ANK3: variants seen among roughly 807,000 people sequenced by gnomAD.
ANK3 encodes the protein ankyrin 3.
ANK3 carries 57 observed loss-of-function variants against 370.9 expected under a neutral mutation model. That is an observed-to-expected ratio of 0.15 (90% CI 0.12 to 0.19). The LOEUF (loss-of-function observed/expected upper bound fraction) is 0.19, where lower values mean the gene tolerates loss of function less well. Among genes scored for constraint, ANK3 ranks in the 10% least tolerant of loss-of-function variants. The pLI, the probability that ANK3 is intolerant of heterozygous loss-of-function variation, is 1.00. For missense variants in ANK3, 4,439 were observed against 5,302.1 expected (o/e 0.84, Z 5.06); for synonymous variants, 1,929 against 1,946.3 (o/e 0.99, Z 0.23).
At chr10:60,716,921 T>A (rs978913791) in intron 1 of ANK3, among the ~76,000 whole-genome samples, 1 of 152,180 alleles carries the variant, frequency 6.6e-6, no homozygotes, top group African/African-American at 2.4e-5. Context: ...AGTGTAGCTA[T>A]GAAACAAGAG....
At chr10:60,318,788 C>T (rs2048020160) in intron 1 of ANK3, among the ~76,000 whole-genome samples, 1 of 152,156 alleles carries the variant, frequency 6.6e-6, no homozygotes, top group Admixed American at 6.5e-5. Context: ...CATGTTATGA[C>T]ACAAAACATC....
Position 60,375,497 on chromosome 10 carries a change from G to A in ANK3, c.114+13928C>T, listed in dbSNP as rs567072649. On this transcript the variant is annotated intron_variant, in intron 1 of 43. Coordinates refer to ENST00000280772, the MANE Select transcript of ANK3 (RefSeq NM_020987.5). ...AAAGGTAACCCATTAAGGCCTGCCT[G>A]GGGGGGGAGGGGGGAAGGACTGGTT... Among the ~76,000 whole-genome samples the A allele has an allele frequency of 1.6e-3, 247 of 150,970 alleles. 2 individuals carry two copies. The highest frequency in any genetic ancestry group is 5.8e-3 in the African/African-American group (235 of 40,556).
chr10:60,396,274 TC>T (rs2063237352), intron 2 of ANK3, among the ~76,000 whole-genome samples: 1 of 152,200 alleles, frequency 6.6e-6, no homozygotes, highest in South Asian at 2.1e-4. Flanking sequence ...ACTCTCTGCT[TC>T]CTTCCATGTT....
intron 1 of ANK3, among the ~76,000 whole-genome samples, chr10:60,696,478 A>G (rs967068383): frequency 8.6e-5 from 13 of 151,606 alleles, no homozygotes; most frequent in Non-Finnish European, 4.4e-5. Context: ...AATATCCTTG[A>G]TGAACATTGA....
At position 60,070,943 on chromosome 10, in the gene ANK3, T is replaced by A. The variant is rs956747731; in HGVS notation, c.9938A>T (p.Asp3313Val). The change falls in exon 37 of 44, where the codon GAC becomes GTC. Residue 3313 changes from aspartate (D) to valine (V), a missense_variant. Around this residue, in one of 13 missense-constraint regions of ANK3, gnomAD observed 1,601 missense variants for 1,731.7 expected, o/e 0.92. Transcript: ENST00000280772. The surrounding 1 kb of genome is among the most constrained non-coding windows in gnomAD (Gnocchi z 5.7). The stretch of plus-strand genomic sequence containing the variant: ...TTCGTCATCGCTTGAATCACTGACG[T>A]CTGCCCCGGGAGGAACTGGTGAAGG... ...QPPSPVPPGA[D>V]VSDSSDDESI... The A allele has an allele frequency of 3.5e-5, 56 of 1,614,006 alleles. No individual in the cohort carries two copies. The highest frequency in any genetic ancestry group is 3.9e-5 in the Non-Finnish European group (46 of 1,179,998).
intron 2 of ANK3, among the ~76,000 whole-genome samples, chr10:60,530,393 G>C (rs1408776400): frequency 6.6e-6 from 1 of 151,036 alleles, no homozygotes; most frequent in Non-Finnish European, 1.5e-5. Context: ...AACAGGCGAG[G>C]CACTTCTAAA....
intron 1 of ANK3, among the ~76,000 whole-genome samples, chr10:60,676,207 T>A (rs1229595116): frequency 6.6e-6 from 1 of 152,182 alleles, no homozygotes; most frequent in Non-Finnish European, 1.5e-5. Flanking sequence ...AAATTTCCAT[T>A]ACTTGCTCTA....
chr10:60,465,447 GA>G lies in ANK3; in HGVS notation c.96+149738del, dbSNP rs144239152. On this transcript the variant is annotated intron_variant, in intron 2 of 43. Coordinates refer to the ANK3 transcript ENST00000373827. ...GAATAACATAAGTCCACATCTAAAT[GA>G]CCAGCAAAAATAAATATAGTCCTGA... Among the ~76,000 whole-genome samples the G allele has an allele frequency of 3.9e-3, 598 of 152,222 alleles. 2 individuals carry two copies. Among genetic ancestry groups the G allele is most frequent in the African/African-American group, 0.013 (558 of 41,536 alleles).
At chr10:60,650,172 C>T (rs2078767383) in intron 1 of ANK3, among the ~76,000 whole-genome samples, 1 of 152,164 alleles carries the variant, frequency 6.6e-6, no homozygotes, top group Non-Finnish European at 1.5e-5. Context: ...AACTTATGCT[C>T]TAAGGAAGGG....
intron 1 of ANK3, among the ~76,000 whole-genome samples, chr10:60,373,254 G>A (rs1315808476): frequency 6.6e-6 from 1 of 152,206 alleles, no homozygotes; most frequent in Non-Finnish European, 1.5e-5. Context: ...AGGTGGCCAG[G>A]CCAGGGGCCT....
chr10:60,329,055 C>G (rs569196961), intron 1 of ANK3, among the ~76,000 whole-genome samples: 1 of 152,250 alleles, frequency 6.6e-6, no homozygotes, highest in Admixed American at 6.5e-5. Flanking sequence ...TCAATAGATG[C>G]AGAAAAGGCC....
At chr10:60,504,478 C>T (rs1288872227) in intron 2 of ANK3, among the ~76,000 whole-genome samples, 2 of 152,204 alleles carry the variant, frequency 1.3e-5, no homozygotes, top group East Asian at 1.9e-4. Flanking sequence ...TAGGAAAAGG[C>T]TTTTTTCCCC....
intron 1 of ANK3, among the ~76,000 whole-genome samples, chr10:60,732,932 C>T (rs375114444): frequency 1.3e-5 from 2 of 151,810 alleles, no homozygotes; most frequent in African/African-American, 2.4e-5. Context: ...GTCCTGAGCC[C>T]GGGGCCCGCT....
chr10:60,513,668 T>G (rs886277718), intron 2 of ANK3, among the ~76,000 whole-genome samples: 2 of 152,102 alleles, frequency 1.3e-5, no homozygotes, highest in Admixed American at 6.6e-5. Flanking sequence ...CTGTTTGCCC[T>G]CAACATACTG....
intron 7 of ANK3, among the ~76,000 whole-genome samples, chr10:60,238,389 C>A (rs1370142535): frequency 6.6e-6 from 1 of 152,080 alleles, no homozygotes; most frequent in African/African-American, 2.4e-5. Context: ...GCAGTCTGTA[C>A]AAAGAGCCTT....
chr10:60,136,321 A>G (rs527370774), intron 24 of ANK3, among the ~76,000 whole-genome samples: 11 of 152,246 alleles, frequency 7.2e-5, no homozygotes, highest in Non-Finnish European at 7.4e-5. Context: ...GAATTTAACT[A>G]ATTTTAATTT....
chr10:60,046,837 C>T (rs182840476), intron 42 of ANK3, among the ~76,000 whole-genome samples: 6 of 140,752 alleles, frequency 4.3e-5, no homozygotes, highest in East Asian at 2.2e-4. Flanking sequence ...GATGGAGTCT[C>T]GCTCTGTTGC....
intron 2 of ANK3, among the ~76,000 whole-genome samples, chr10:60,552,444 C>A (rs1376417246): frequency 6.6e-6 from 1 of 152,108 alleles, no homozygotes; most frequent in African/African-American, 2.4e-5. Context: ...ATAAACATCA[C>A]CGGCTTTAAA....
rs544902931 is a variant in ANK3 at position 60,363,422 on chromosome 10, T to C, written c.114+26003A>G. ...ACATTCCTAACAAATATATCACTCCTCCAACCACTTGTATCTGGATAGAGG... is the reference window on the plus strand; with the variant it reads ...ACATTCCTAACAAATATATCACTCCCCCAACCACTTGTATCTGGATAGAGG... On this transcript the variant is annotated intron_variant, in intron 1 of 43. Coordinates refer to ENST00000280772, the MANE Select transcript of ANK3 (RefSeq NM_020987.5). Among the ~76,000 whole-genome samples, 7 of 152,258 alleles carry C rather than the reference T, an allele frequency of 4.6e-5. 1 individual carries two copies. The South Asian group carries it at 8.3e-4, about 18-fold the overall frequency.
Sources: allele counts gnomAD v4.1 joint callset (sites outside exome capture counted in the v4.1 genomes callset), GRCh38; gene constraint gnomAD v4.1.1; regional missense constraint gnomAD v4.1.1; non-coding constraint Gnocchi (gnomAD v3.1); transcripts MANE v1.5; gene names NCBI Gene and HGNC (gene_info 2026-07-23, HGNC 2026-07-21).